Variants in APP observed in about 807,000 individuals in gnomAD.
The protein encoded by APP is amyloid beta precursor protein.
In APP, 31 loss-of-function variants were observed where a neutral mutation model predicts 101.4. The observed-to-expected ratio is 0.31, with a 90% CI of 0.23 to 0.41. The LOEUF (loss-of-function observed/expected upper bound fraction) is 0.41. APP is among the 10% of genes least tolerant of loss of function. APP has a pLI of 1.00. For missense variants in APP, 839 were observed against 1,003.7 expected, an observed-to-expected ratio of 0.84 and a Z score of 2.22; for synonymous variants, 366 against 364.4, an observed-to-expected ratio of 1.00 and a Z score of -0.05.
intron 5 of APP, among the ~76,000 whole-genome samples, chr21:26,023,310 C>T (rs1416319805): frequency 6.6e-6 from 1 of 150,932 alleles, no homozygotes; most frequent in Admixed American, 6.6e-5. Flanking sequence ...TGGGAAAAAA[C>T]CTAGAGGCCA....
At chr21:25,927,116 G>A (rs1185798617) in intron 13 of APP, among the ~76,000 whole-genome samples, 1 of 151,702 alleles carries the variant, frequency 6.6e-6, no homozygotes. Context: ...TGAATTCGAC[G>A]GTATCTTTTA....
chr21:25,952,378 G>T (rs1259937301), intron 13 of APP, among the ~76,000 whole-genome samples: 4 of 148,862 alleles, frequency 2.7e-5, no homozygotes, highest in Non-Finnish European at 3.0e-5. Flanking sequence ...CCTAATGGCT[G>T]TTTTTTTTTT....
chr21:25,965,204 C>G (rs1469252834), intron 11 of APP, among the ~76,000 whole-genome samples: 2 of 152,178 alleles, frequency 1.3e-5, no homozygotes, highest in African/African-American at 2.4e-5. Flanking sequence ...TAATGATGAA[C>G]AGAATTAGTA....
chr21:26,059,113 A>T (rs1181651110), intron 3 of APP, among the ~76,000 whole-genome samples: 2 of 149,164 alleles, frequency 1.3e-5, no homozygotes, highest in Admixed American at 1.3e-4. Context: ...ACATTAAAAT[A>T]AAAAAAAAAC....
At chr21:26,048,657 C>G (rs1244149793) in intron 5 of APP, among the ~76,000 whole-genome samples, 1 of 152,026 alleles carries the variant, frequency 6.6e-6, no homozygotes, top group Non-Finnish European at 1.5e-5. Context: ...AGTTTGGATT[C>G]TAACAGATAA....
intron 1 of APP, among the ~76,000 whole-genome samples, chr21:26,131,362 C>T (rs546824585): frequency 1.3e-4 from 20 of 152,216 alleles, no homozygotes; most frequent in Admixed American, 5.2e-4. Flanking sequence ...GGTTTTCCAG[C>T]GAAATGCAAC....
At chr21:25,924,575 A>T (rs541697807) in intron 13 of APP, among the ~76,000 whole-genome samples, 1 of 152,048 alleles carries the variant, frequency 6.6e-6, no homozygotes, top group South Asian at 2.1e-4. Flanking sequence ...GAACACATGG[A>T]CACAGGGAGG....
At position 26,039,405 on chromosome 21, in the gene APP, A is replaced by G. The variant is rs111609036; in HGVS notation, c.662+11595T>C. 1.2e-3 allele frequency among the ~76,000 whole-genome samples: 188 copies of G among 152,392 alleles called. 1 individual carries two copies. Among genetic ancestry groups the G allele is most frequent in the African/African-American group, 4.4e-3 (185 of 41,594 alleles). On this transcript the variant is annotated intron_variant, in intron 5 of 17. Transcript: ENST00000346798. The stretch of plus-strand genomic sequence containing the variant: ...CAAACAGTGGTCTCAAATGTAAAAG[A>G]AAACTTAGGTTATATGCTACGCTTA...
chr21:26,105,226 GAA>G (rs1319563823), intron 2 of APP, among the ~76,000 whole-genome samples: 1 of 152,032 alleles, frequency 6.6e-6, no homozygotes, highest in African/African-American at 2.4e-5. Context: ...TCAACAATAA[GAA>G]TGATTAAGAT....
At chr21:25,972,430 C>T (rs1250674783) in intron 11 of APP, among the ~76,000 whole-genome samples, 6 of 152,140 alleles carry the variant, frequency 3.9e-5, no homozygotes, top group Non-Finnish European at 8.8e-5. Context: ...AGAGAAACCT[C>T]AATCCAGTAT....
intron 6 of APP, 107 bp downstream of exon 6, chr21:26,021,733 T>C (rs2044346597): frequency 9.6e-6 from 14 of 1,454,132 alleles, no homozygotes; most frequent in Middle Eastern, 2.5e-4. Flanking sequence ...AAAAAAAACA[T>C]GTTTTTGATT....
In APP at chr21:26,151,130, TTA is replaced by T. The variant is rs565597123; in HGVS notation, c.57+19432_57+19433del. ...CCGTCTCTTTTCTGGTCAAAGATTC[TTA>T]TATCTTTGGAAACTTGACAGAATTA... On this transcript the variant is annotated intron_variant, in intron 1 of 17. Transcript: ENST00000346798. Among the ~76,000 whole-genome samples the T allele has an allele frequency of 4.6e-5, 7 of 152,346 alleles. No homozygotes were observed. In the South Asian group the frequency reaches 1.5e-3, roughly 32 times the overall value.
At chr21:26,037,814 C>T (rs1291245744) in intron 5 of APP, among the ~76,000 whole-genome samples, 1 of 152,158 alleles carries the variant, frequency 6.6e-6, no homozygotes, top group Non-Finnish European at 1.5e-5. Flanking sequence ...TGTTGAAAAC[C>T]ATTTGAGGCT....
At position 26,150,433 on chromosome 21, in the gene APP, G is replaced by C. The variant is rs1023287805; in HGVS notation, c.57+20131C>G. 3.9e-5 allele frequency among the ~76,000 whole-genome samples: 6 copies of C among 152,224 alleles called. No individual in the cohort carries two copies. In the South Asian group the frequency reaches 1.0e-3, roughly 26 times the overall value. ...GTCCTGGGTCTGCTATTTCTCGATT[G>C]TCTTCAGCTCAAATTAGTACTTTGC... On this transcript the variant is annotated intron_variant, in intron 1 of 17. Transcript: ENST00000346798.
At chr21:26,067,020 G>A (rs761523173) in intron 3 of APP, among the ~76,000 whole-genome samples, 13 of 152,190 alleles carry the variant, frequency 8.5e-5, no homozygotes, top group Non-Finnish European at 1.8e-4. Flanking sequence ...GCAGGTCCAT[G>A]TAGGATACAA....
intron 1 of APP, among the ~76,000 whole-genome samples, chr21:26,165,288 G>T (rs1364438428): frequency 2.0e-5 from 3 of 152,162 alleles, no homozygotes; most frequent in African/African-American, 7.2e-5. Context: ...AACACACAGT[G>T]CTTATGCTAT....
At chr21:26,162,258 G>A (rs1435228099) in intron 1 of APP, among the ~76,000 whole-genome samples, 1 of 152,214 alleles carries the variant, frequency 6.6e-6, no homozygotes, top group East Asian at 1.9e-4. Flanking sequence ...CAGCCCAGGA[G>A]GCCACGGCTA....
At chr21:25,911,427 T>C (rs1355034247) in intron 14 of APP, among the ~76,000 whole-genome samples, 1 of 152,204 alleles carries the variant, frequency 6.6e-6, no homozygotes, top group Non-Finnish European at 1.5e-5. Flanking sequence ...TACCTGCAAA[T>C]GTTATGTAAA....
chr21:26,121,546 C>T (rs972113649), intron 1 of APP, among the ~76,000 whole-genome samples: 6 of 152,116 alleles, frequency 3.9e-5, no homozygotes, highest in African/African-American at 1.4e-4. Flanking sequence ...CGTCACCACA[C>T]CCGGCTAATT....
Sources: allele counts gnomAD v4.1 joint callset (sites outside exome capture counted in the v4.1 genomes callset), GRCh38; gene constraint gnomAD v4.1.1; transcripts MANE v1.5; gene names NCBI Gene and HGNC (gene_info 2026-07-23, HGNC 2026-07-21).